COL6A5: variants seen among roughly 807,000 people sequenced by gnomAD.
COL6A5 encodes the protein collagen type VI alpha 5 chain, also known as collagen alpha-5(VI) chain.
In COL6A5, 48 loss-of-function variants were observed where a neutral mutation model predicts 65.6. The observed-to-expected ratio is 0.73, with a 90% CI of 0.58 to 0.93. The LOEUF is 0.93. COL6A5 is among the 40% of genes least tolerant of loss of function. The probability of loss-of-function intolerance (pLI) is 0.00; values close to 1 mark genes in which losing one functional copy is unlikely to be tolerated. For synonymous variants in COL6A5, 291 were observed against 322.8 expected, an observed-to-expected ratio of 0.90 and a Z score of 1.05; for missense variants, 914 against 928.3, an observed-to-expected ratio of 0.98 and a Z score of 0.20.
chr3:130,384,634 A>C lies in COL6A5; in HGVS notation c.1301-170A>C, dbSNP rs77065964. Among the ~76,000 whole-genome samples, 1,420 of 152,176 alleles carry C rather than the reference A, an allele frequency of 9.3e-3. 10 individuals are homozygous for C. Among genetic ancestry groups the C allele is most frequent in the South Asian group, 0.07 (338 of 4,820 alleles). ...TTCAATTTTCTCACAAGGTGTTGTA[A>C]ATTTCAAAGGAGAAAATGGGCATGA... On this transcript the variant is annotated intron_variant and NMD_transcript_variant, in intron 4 of 41. Transcript: ENST00000312481.
intron 2 of COL6A5, 61 bp downstream of exon 34, chr3:130,439,676 T>C: frequency 8.8e-7 from 1 of 1,137,458 alleles, no homozygotes; most frequent in South Asian, 1.4e-5. Context: ...AGATGAGTTA[T>C]TGAATGTGGT....
At chr3:130,484,831 C>G in exon 8 of COL6A5, 1 of 398,586 alleles carries the variant, frequency 2.5e-6, no homozygotes, top group Middle Eastern at 6.3e-4. Flanking sequence ...AAAATAAAAA[C>G]AAGTCTGACT....
Position 130,417,445 on chromosome 3 carries a change from C to T in COL6A5, c.4887+626C>T, listed in dbSNP as rs77197629. Among the ~76,000 whole-genome samples the T allele has an allele frequency of 5.8e-3, 889 of 152,140 alleles. 13 individuals carry two copies. Among genetic ancestry groups the T allele is most frequent in the African/African-American group, 0.02 (830 of 41,506 alleles). ...TGAGCAAAGAGTTTCTAACTGCTGACCTCTCCATGAAACTGCCCCCTTTCC... is the reference window on the plus strand; with the variant it reads ...TGAGCAAAGAGTTTCTAACTGCTGATCTCTCCATGAAACTGCCCCCTTTCC... On this transcript the variant is annotated intron_variant and NMD_transcript_variant, in intron 24 of 41. Coordinates refer to the COL6A5 transcript ENST00000312481.
At chr3:130,445,214 A>C (rs971655180) in intron 4 of COL6A5, among the ~76,000 whole-genome samples, 1 of 152,212 alleles carries the variant, frequency 6.6e-6, no homozygotes, top group African/African-American at 2.4e-5. Flanking sequence ...AAGTGAAAAC[A>C]AATCTTAGAT....
chr3:130,368,056 G>A (rs1295235062), intron 1 of COL6A5, among the ~76,000 whole-genome samples: 1 of 152,082 alleles, frequency 6.6e-6, no homozygotes, highest in African/African-American at 2.4e-5. Context: ...AAACCTCCTC[G>A]CCACACCTAC....
chr3:130,397,559 T>C, intron 8 of COL6A5, 24 bp from the exon 9 acceptor site: 1 of 1,516,222 alleles, frequency 6.6e-7, no homozygotes, highest in Non-Finnish European at 8.9e-7. Context: ...TCGTTAATCT[T>C]GACTCTGTTC....
chr3:130,378,192 A>G (rs1348809332), intron 3 of COL6A5, among the ~76,000 whole-genome samples: 1 of 152,084 alleles, frequency 6.6e-6, no homozygotes, highest in African/African-American at 2.4e-5. Flanking sequence ...TCTCCTCTTC[A>G]ATACTCAGTA....
intron 1 of COL6A5, among the ~76,000 whole-genome samples, chr3:130,359,671 G>C (rs914436261): frequency 6.6e-6 from 1 of 152,014 alleles, no homozygotes; most frequent in Non-Finnish European, 1.5e-5. Context: ...GATCCCATAA[G>C]GCAAAAGTGT....
At chr3:130,400,023 A>C (rs1383494969) in intron 10 of COL6A5, among the ~76,000 whole-genome samples, 1 of 152,176 alleles carries the variant, frequency 6.6e-6, no homozygotes, top group Non-Finnish European at 1.5e-5. Flanking sequence ...TCGGCCTCCC[A>C]AAGTGCTGGG....
chr3:130,455,998 T>A (rs1428365404), intron 5 of COL6A5, among the ~76,000 whole-genome samples: 1 of 152,008 alleles, frequency 6.6e-6, no homozygotes, highest in Non-Finnish European at 1.5e-5. Flanking sequence ...TAAAATGACT[T>A]TTTTTTGGGG....
At chr3:130,476,356 T>G (rs1246224343) in intron 7 of COL6A5, among the ~76,000 whole-genome samples, 1 of 152,120 alleles carries the variant, frequency 6.6e-6, no homozygotes, top group African/African-American at 2.4e-5. Context: ...TACAGTCACA[T>G]GGGGTTAGGG....
At chr3:130,483,230 T>G (rs978019474) in intron 7 of COL6A5, among the ~76,000 whole-genome samples, 1 of 152,008 alleles carries the variant, frequency 6.6e-6, no homozygotes, top group African/African-American at 2.4e-5. Context: ...AAGGAAGCAC[T>G]AAATGTGGAA....
intron 1 of COL6A5, among the ~76,000 whole-genome samples, chr3:130,435,534 A>G (rs1938005751): frequency 1.3e-5 from 2 of 152,212 alleles, no homozygotes; most frequent in Admixed American, 1.3e-4. Context: ...TTTGGGCAGT[A>G]TGACCATTTT....
At chr3:130,346,144 G>A (rs982435219) in intron 1 of COL6A5, among the ~76,000 whole-genome samples, 163 bp downstream of exon 1, 2 of 152,198 alleles carry the variant, frequency 1.3e-5, no homozygotes, top group Non-Finnish European at 2.9e-5. Flanking sequence ...GACAGGTTCT[G>A]AAAGGTAGAC....
At chr3:130,456,317 TA>T (rs1286042641) in intron 5 of COL6A5, among the ~76,000 whole-genome samples, 6 of 151,982 alleles carry the variant, frequency 3.9e-5, no homozygotes, top group Non-Finnish European at 8.8e-5. Context: ...ATATTTTCAT[TA>T]AAAAGTGTGA....
At chr3:130,450,307 A>G (rs1245504866) in intron 4 of COL6A5, among the ~76,000 whole-genome samples, 1 of 152,118 alleles carries the variant, frequency 6.6e-6, no homozygotes, top group East Asian at 1.9e-4. Context: ...TATTTGCCCA[A>G]TGTTTACCTT....
Position 130,409,310 on chromosome 3 carries a change from A to G in COL6A5, c.4480-16A>G, listed in dbSNP as rs1937099741. The G allele has an allele frequency of 6.5e-7, 1 of 1,534,172 alleles. No homozygotes were observed. Among genetic ancestry groups the G allele is most frequent in the Non-Finnish European group, 8.8e-7 (1 of 1,140,562 alleles). ...CTCCTACAAGCTAACTCAGAAATTC[A>G]TTTCATTTTTTTCAGGGCAGCCCAG... is the stretch of plus-strand genomic sequence containing the variant. On this transcript the variant is annotated splice_polypyrimidine_tract_variant and intron_variant and NMD_transcript_variant, in intron 17 of 41. Transcript: ENST00000312481.
exon 4 of COL6A5, chr3:130,379,582 A>T (rs1279599984): frequency 6.4e-7 from 1 of 1,551,442 alleles, no homozygotes; most frequent in Admixed American, 2.0e-5. Context: ...TGGACTGATG[A>T]GTTACAGCAA....
chr3:130,432,547 C>CA (rs112983846), intron 1 of COL6A5, among the ~76,000 whole-genome samples: 4,961 of 129,128 alleles, frequency 0.038, 201 homozygotes, highest in African/African-American at 0.1. Context: ...AAGACTCTGT[C>CA]AAAAAAAAAA....
Sources: allele counts gnomAD v4.1 joint callset (sites outside exome capture counted in the v4.1 genomes callset), GRCh38; gene constraint gnomAD v4.1.1; transcripts MANE v1.5; gene names NCBI Gene and HGNC (gene_info 2026-07-23, HGNC 2026-07-21).